The following RAI14 variants were observed in gnomAD, a reference collection of about 807,000 sequenced individuals.
RAI14 encodes retinoic acid induced 14.
A neutral mutation model predicts 115.4 loss-of-function variants in RAI14; 45 were observed. That is an observed-to-expected ratio of 0.39 (90% CI 0.31 to 0.50). The LOEUF is 0.50. Ranked by LOEUF, RAI14 falls within the 20% of genes least tolerant of loss-of-function variation. The pLI is 0.85. For missense variants in RAI14, 939 were observed against 1,131.2 expected, an observed-to-expected ratio of 0.83 and a Z score of 2.44; for synonymous variants, 371 against 415.4, an observed-to-expected ratio of 0.89 and a Z score of 1.30.
chr5:34,755,181 A>G (rs1300374770), intron 2 of RAI14, among the ~76,000 whole-genome samples: 1 of 152,162 alleles, frequency 6.6e-6, no homozygotes, highest in Non-Finnish European at 1.5e-5. Flanking sequence ...TTGTTTGTAC[A>G]GTTGTTAAGT....
chr5:34,660,179 T>A (rs1469768704), intron 1 of RAI14, among the ~76,000 whole-genome samples: 1 of 152,054 alleles, frequency 6.6e-6, no homozygotes, highest in South Asian at 2.1e-4. Flanking sequence ...CTGTCTCAGC[T>A]CCCAGCACTT....
chr5:34,664,686 T>C (rs1742971030), intron 1 of RAI14, among the ~76,000 whole-genome samples: 1 of 151,830 alleles, frequency 6.6e-6, no homozygotes, highest in Non-Finnish European at 1.5e-5. Context: ...AGTAAGTTCT[T>C]TAGTGGTGAT....
In RAI14 at chr5:34,823,004, C is replaced by G; in HGVS notation, c.1162C>G (p.His388Asp). 6.2e-7 allele frequency: 1 copy of G among 1,613,980 alleles called. No homozygotes were observed. The highest frequency in any genetic ancestry group is 8.5e-7 in the Non-Finnish European group (1 of 1,179,996). ...AGCAGACCTAAGCTTTGACTCATAC[C>G]ATTCCACCCAAACTGACTTGGGCCC... ...AEADLSFDSY[H>D]STQTDLGPSL... The change falls in exon 15 of 18, where the codon CAT (histidine) becomes GAT (aspartate). Residue 388 changes from histidine (H) to aspartate (D), a missense_variant. Coordinates refer to ENST00000265109, the MANE Select transcript of RAI14 (RefSeq NM_015577.3). This position sits in a 1 kb window ranked among gnomAD's most constrained non-coding sequence, Gnocchi z 4.5.
intron 3 of RAI14, among the ~76,000 whole-genome samples, chr5:34,789,607 C>T (rs1752695863): frequency 6.6e-6 from 1 of 152,150 alleles, no homozygotes; most frequent in Admixed American, 6.5e-5. Context: ...CCCCTCTCTT[C>T]GTTTTTTAAG....
chr5:34,821,046 T>C (rs1202169859), intron 13 of RAI14, among the ~76,000 whole-genome samples: 1 of 152,100 alleles, frequency 6.6e-6, no homozygotes, highest in Non-Finnish European at 1.5e-5. Flanking sequence ...GAACCATGAA[T>C]CTGAGGAAAA....
chr5:34,673,030 A>G (rs1743730388), intron 1 of RAI14, among the ~76,000 whole-genome samples: 1 of 152,120 alleles, frequency 6.6e-6, no homozygotes, highest in Non-Finnish European at 1.5e-5. Flanking sequence ...GTCCAATGCT[A>G]TTTCCAGACC....
chr5:34,767,575 C>T (rs1014960256), intron 3 of RAI14, among the ~76,000 whole-genome samples: 3 of 151,078 alleles, frequency 2.0e-5, no homozygotes, highest in Admixed American at 6.6e-5. Flanking sequence ...AAGATGCTGT[C>T]GCTGCCACCG....
intron 2 of RAI14, among the ~76,000 whole-genome samples, chr5:34,726,742 C>T (rs931119121): frequency 1.3e-5 from 2 of 151,308 alleles, no homozygotes; most frequent in Non-Finnish European, 2.9e-5. Flanking sequence ...AAGGGGAGTT[C>T]TTCTGCACAT....
intron 3 of RAI14, among the ~76,000 whole-genome samples, chr5:34,759,221 C>A (rs566218813): frequency 5.9e-5 from 9 of 152,022 alleles, no homozygotes; most frequent in Non-Finnish European, 1.3e-4. Flanking sequence ...TGAGACTGCG[C>A]CACTGCACTC....
intron 1 of RAI14, chr5:34,686,241 C>T (rs1246839789): frequency 6.7e-6 from 1 of 148,504 alleles, no homozygotes; most frequent in African/African-American, 2.5e-5. Flanking sequence ...ACTTGCTCTA[C>T]TTTTAATGTT....
chr5:34,829,502 C>A (rs575347459), intron 16 of RAI14, among the ~76,000 whole-genome samples: 2 of 152,182 alleles, frequency 1.3e-5, no homozygotes, highest in Admixed American at 1.3e-4. Context: ...CCTTTTTATA[C>A]AGTTTTTTCT....
chr5:34,684,083 A>G (rs1363640729), intron 1 of RAI14, among the ~76,000 whole-genome samples: 2 of 145,148 alleles, frequency 1.4e-5, no homozygotes, highest in African/African-American at 5.8e-5. Context: ...AGCCAGCGAC[A>G]GTTAGCCAGC....
chr5:34,735,693 G>T (rs554966997), intron 2 of RAI14, among the ~76,000 whole-genome samples: 6 of 152,182 alleles, frequency 3.9e-5, no homozygotes, highest in African/African-American at 7.2e-5. Context: ...TCATCTTATG[G>T]TCTATTTTGT....
At chr5:34,806,828 A>G (rs1039005764) in intron 5 of RAI14, among the ~76,000 whole-genome samples, 3 of 152,236 alleles carry the variant, frequency 2.0e-5, no homozygotes, top group African/African-American at 7.2e-5. Context: ...TATCAAGCCT[A>G]GCGCTTGAAG....
At chr5:34,765,019 G>A (rs1749174111) in intron 3 of RAI14, among the ~76,000 whole-genome samples, 1 of 152,140 alleles carries the variant, frequency 6.6e-6, no homozygotes, top group South Asian at 2.1e-4. Context: ...GATTTTAGTA[G>A]GGGTTTTTGC....
intron 2 of RAI14, among the ~76,000 whole-genome samples, chr5:34,753,996 G>A (rs12516593): frequency 0.23 from 34,996 of 151,442 alleles, 4,564 homozygotes; most frequent in East Asian, 0.44. Context: ...CAGGAGAGTC[G>A]CTTGAACCCA....
At chr5:34,743,323 G>T (rs1186649127) in intron 2 of RAI14, among the ~76,000 whole-genome samples, 5 of 152,086 alleles carry the variant, frequency 3.3e-5, no homozygotes, top group African/African-American at 9.7e-5. Flanking sequence ...AGCAATCCTT[G>T]GTTCCTTGGC....
intron 2 of RAI14, among the ~76,000 whole-genome samples, chr5:34,736,915 TAGG>T (rs1280321341): frequency 6.6e-6 from 1 of 152,204 alleles, no homozygotes; most frequent in Non-Finnish European, 1.5e-5. Context: ...TGTGGCCTGT[TAGG>T]AGCCAGGCTG....
chr5:34,705,309 A>G (rs1740575815), intron 2 of RAI14, among the ~76,000 whole-genome samples: 1 of 152,194 alleles, frequency 6.6e-6, no homozygotes, highest in Non-Finnish European at 1.5e-5. Flanking sequence ...CTAGTATGAA[A>G]AAAAGTAAAA....
Sources: allele counts gnomAD v4.1 joint callset (sites outside exome capture counted in the v4.1 genomes callset), GRCh38; gene constraint gnomAD v4.1.1; non-coding constraint Gnocchi (gnomAD v3.1); transcripts MANE v1.5; gene names NCBI Gene and HGNC (gene_info 2026-07-23, HGNC 2026-07-21).